Variants in AHCY observed in about 807,000 individuals in gnomAD.
The protein encoded by AHCY is S-adenosyl-L-homocysteine hydrolase.
In AHCY, 24 loss-of-function variants were observed where a neutral mutation model predicts 45.4. The observed-to-expected ratio is 0.53, with a 90% CI of 0.38 to 0.74. The LOEUF is 0.74. AHCY is among the 30% of genes least tolerant of loss of function. The pLI, the probability that AHCY is intolerant of heterozygous loss-of-function variation, is 0.00. For missense variants in AHCY, 449 were observed against 594.1 expected, an observed-to-expected ratio of 0.76 and a Z score of 2.54; for synonymous variants, 245 against 235.1, an observed-to-expected ratio of 1.04 and a Z score of -0.39.
the AHCY span, among the ~76,000 whole-genome samples, chr20:34,233,446 C>A: frequency 2.0e-5 from 3 of 152,030 alleles, no homozygotes; most frequent in Non-Finnish European, 2.9e-5. Context: ...CGCGCCCGGC[C>A]CACATGGATA....
chr20:34,278,317 T>TG (rs1316651172), downstream of AHCY, among the ~76,000 whole-genome samples: 2 of 151,148 alleles, frequency 1.3e-5, no homozygotes, highest in Non-Finnish European at 2.9e-5. Flanking sequence ...AGAAGGGAGG[T>TG]GGGGGGCTAC....
At position 34,281,178 on chromosome 20, in the gene AHCY, AAAGG is replaced by A; in HGVS notation, c.1168-17_1168-14del. On this transcript the variant is annotated splice_polypyrimidine_tract_variant and intron_variant, in intron 9 of 9. Transcript: ENST00000217426. ...CTGCCTCATCCAGCTGGGGAGAAACAAAGGAAGACCGGGAATCAGTGCCATTTTC... is the reference window on the plus strand; with the variant it reads ...CTGCCTCATCCAGCTGGGGAGAAACAAAGACCGGGAATCAGTGCCATTTTC... 6.2e-7 allele frequency: 1 copy of A among 1,612,492 alleles called. No individual in the cohort carries two copies. Among genetic ancestry groups the A allele is most frequent in the South Asian group, 1.1e-5 (1 of 90,966 alleles).
chr20:34,289,118 C>T (rs4456777), intron 8 of AHCY, among the ~76,000 whole-genome samples: 16,091 of 152,148 alleles, frequency 0.11, 2,865 homozygotes, highest in African/African-American at 0.37. Flanking sequence ...ATTCTCATGC[C>T]TCAGCCTCCC....
the AHCY span, among the ~76,000 whole-genome samples, chr20:34,240,826 C>T: frequency 6.6e-6 from 1 of 152,178 alleles, no homozygotes; most frequent in Non-Finnish European, 1.5e-5. Context: ...CTTCCAATCC[C>T]TTGTAACCTC....
the AHCY span, chr20:34,262,826 T>C: frequency 6.2e-7 from 1 of 1,613,756 alleles, no homozygotes; most frequent in East Asian, 2.2e-5. Flanking sequence ...TTGTCTCTCT[T>C]TGAAGCGCTG....
upstream of AHCY, among the ~76,000 whole-genome samples, chr20:34,303,645 C>T (rs1479126699): frequency 2.0e-5 from 3 of 152,230 alleles, no homozygotes; most frequent in African/African-American, 4.8e-5. Flanking sequence ...CCCTGTGCCT[C>T]AATTTCCTCA....
chr20:34,236,613 G>T, the AHCY span, among the ~76,000 whole-genome samples: 1 of 152,090 alleles, frequency 6.6e-6, no homozygotes, highest in Non-Finnish European at 1.5e-5. Flanking sequence ...CACTTTGGGA[G>T]TCTGGGGTGG....
the AHCY span, among the ~76,000 whole-genome samples, chr20:34,244,737 T>A: frequency 6.6e-6 from 1 of 152,244 alleles, no homozygotes; most frequent in Admixed American, 6.5e-5. Context: ...CGCACATTCA[T>A]GGTTTTAAGG....
chr20:34,310,804 G>A (rs2036939671), intron 1 of AHCY, among the ~76,000 whole-genome samples: 1 of 152,198 alleles, frequency 6.6e-6, no homozygotes, highest in Non-Finnish European at 1.5e-5. Context: ...CTCTGCCTGG[G>A]CAACAAAGCG....
the AHCY span, among the ~76,000 whole-genome samples, chr20:34,239,358 A>T: frequency 6.6e-6 from 1 of 152,188 alleles, no homozygotes. Flanking sequence ...CTGGGACTAC[A>T]GGCACCTGCC....
chr20:34,290,583 G>A lies in AHCY; in HGVS notation c.822C>T (p.Thr274=), dbSNP rs150989310. 2.8e-5 allele frequency: 45 copies of A among 1,614,072 alleles called. No homozygotes were observed. Among genetic ancestry groups the A allele is most frequent in the Non-Finnish European group, 3.8e-5 (45 of 1,180,042 alleles). The change falls in exon 7 of 10, where the codon ACC becomes ACT. Residue 274 remains threonine (T), a synonymous_variant. Transcript: ENST00000217426. The surrounding 1 kb of genome is among the most constrained non-coding windows in gnomAD (Gnocchi z 4.5). The stretch of plus-strand genomic sequence containing the variant: ...GGATGATGTCAATACAGCCTGTGGT[G>A]GTGACAAAGATGTTGCCCTCCTGAC... ...EACQEGNIFV[T]TTGCIDIILG...
chr20:34,245,062 A>G, the AHCY span, among the ~76,000 whole-genome samples: 2 of 152,144 alleles, frequency 1.3e-5, no homozygotes, highest in African/African-American at 2.4e-5. Flanking sequence ...CAGGCCGGGC[A>G]CAGTGGCTCA....
intron 9 of AHCY, chr20:34,281,897 A>C (rs1213781048): frequency 6.6e-6 from 1 of 151,900 alleles, no homozygotes; most frequent in Non-Finnish European, 1.5e-5. Context: ...TGAACTCCTG[A>C]CCTCAGGTGT....
downstream of AHCY, among the ~76,000 whole-genome samples, chr20:34,279,062 T>A (rs1262141581): frequency 7.5e-6 from 1 of 132,726 alleles, no homozygotes; most frequent in East Asian, 2.1e-4. Context: ...TGAGCTGAGA[T>A]TGTGCCACTG....
chr20:34,293,900 G>A (rs983381303), intron 3 of AHCY, 181 bp downstream of exon 3: 1 of 697,466 alleles, frequency 1.4e-6, no homozygotes. Flanking sequence ...ACTTCCACAG[G>A]ATTTTAGATG....
In AHCY at chr20:34,295,120, T is replaced by G. The variant is rs1176276136; in HGVS notation, c.219+275A>C. The G allele has an allele frequency of 1.8e-5, 10 of 555,858 alleles. No individual in the cohort carries two copies. The Admixed American group carries it at 2.2e-4, about 12-fold the overall frequency. 34.4% of individuals were successfully genotyped at this position (555,858 alleles called of 1,614,324 possible). A position where few individuals can be genotyped will look rare whatever the true frequency, so the allele number is the denominator to read the frequency against. On this transcript the variant is annotated intron_variant, in intron 2 of 9. Transcript: ENST00000217426. ...GGCCCTTAAGAGACTAAGTAGGACA[T>G]GGGTGTTGAATTTTTCCTGCCAGAG...
chr20:34,253,447 T>TTTATTTA, the AHCY span, among the ~76,000 whole-genome samples: 444 of 103,800 alleles, frequency 4.3e-3, 4 homozygotes, highest in African/African-American at 0.028. Context: ...TTTTATTTTA[T>TTTATTTA]TTTATTTATT....
intron 2 of AHCY, 32 bp from the exon 3 acceptor site, chr20:34,294,188 C>T (rs1485350778): frequency 6.2e-7 from 1 of 1,603,092 alleles, no homozygotes; most frequent in South Asian, 1.1e-5. Context: ...GGCTGTTGGT[C>T]ACTGATGGCT....
chr20:34,290,972 C>T lies in AHCY; in HGVS notation c.559-34G>A, dbSNP rs1213179476. 2.5e-6 allele frequency: 4 copies of T among 1,608,002 alleles called. No homozygotes were observed. Among genetic ancestry groups the T allele is most frequent in the African/African-American group, 2.7e-5 (2 of 74,902 alleles). On this transcript the variant is annotated intron_variant, in intron 5 of 9. Transcript: ENST00000217426. This position sits in a 1 kb window ranked among gnomAD's most constrained non-coding sequence, Gnocchi z 4.5. ...AAAGGGGGTAAGGAGACAATAGGGG[C>T]AGGCAAGGCCCTGGGGCCAGGACAA... is the stretch of plus-strand genomic sequence containing the variant.
Sources: gnomAD v4.1 joint callset for allele counts (sites outside exome capture counted in the v4.1 genomes callset) on GRCh38, gnomAD v4.1.1 for gene constraint, Gnocchi (gnomAD v3.1) non-coding constraint, MANE v1.5 for transcripts, NCBI Gene and HGNC (gene_info 2026-07-23, HGNC 2026-07-21) for gene names.